SPNS3: variants seen among roughly 807,000 people sequenced by gnomAD.
SPNS3 encodes SPNS lysolipid transporter 3, sphingosine-1-phosphate (putative), also known as protein spinster homolog 3.
In SPNS3, 51 loss-of-function variants were observed where a neutral mutation model predicts 54.4. The ratio of observed to expected loss-of-function variants is 0.94; its 90% CI spans 0.75 to 1.18. The LOEUF (loss-of-function observed/expected upper bound fraction) is 1.18. Ranked by LOEUF, SPNS3 falls within the 50% of genes most tolerant of loss-of-function variation. The probability of loss-of-function intolerance (pLI) is 0.00; values close to 1 mark genes in which losing one functional copy is unlikely to be tolerated. For missense variants in SPNS3, 669 were observed against 677.4 expected (o/e 0.99, Z 0.14); for synonymous variants, 309 against 294.7 (o/e 1.05, Z -0.50).
intron 2 of SPNS3, among the ~76,000 whole-genome samples, chr17:4,443,175 A>C (rs940401708): frequency 3.3e-5 from 5 of 152,042 alleles, no homozygotes; most frequent in Non-Finnish European, 7.4e-5. Flanking sequence ...GGTTCAAGCA[A>C]TTCTTCTCCC....
At chr17:4,459,099 G>C (rs955379301) in intron 8 of SPNS3, among the ~76,000 whole-genome samples, 4 of 152,028 alleles carry the variant, frequency 2.6e-5, no homozygotes, top group African/African-American at 9.7e-5. Flanking sequence ...GCTTACCACC[G>C]TCTCTCCATG....
chr17:4,486,725 G>A lies in SPNS3; in HGVS notation c.1450+142G>A. ...TACACCCCTGCTATGTACCAGGGAA[G>A]GTTGCAGATGCTGGGGAGTGAAAGA... On this transcript the variant is annotated intron_variant, in intron 11 of 11. Coordinates refer to ENST00000355530, the MANE Select transcript of SPNS3 (RefSeq NM_182538.5). The surrounding 1 kb of genome is among the most constrained non-coding windows in gnomAD (Gnocchi z 5.5). 1 of 902,770 alleles carries A rather than the reference G, an allele frequency of 1.1e-6. No individual in the cohort carries two copies. The highest frequency in any genetic ancestry group is 1.7e-5 in the African/African-American group (1 of 59,516). The allele number at this position is 902,770 out of a possible 1,614,324, so 55.9% of individuals were successfully genotyped here.
intron 9 of SPNS3, among the ~76,000 whole-genome samples, chr17:4,481,329 C>G (rs569660111): frequency 6.6e-6 from 1 of 152,002 alleles, no homozygotes; most frequent in South Asian, 2.1e-4. Flanking sequence ...GGGACAGGGT[C>G]TGTGGCAGGA....
chr17:4,484,656 C>T (rs1022783286), intron 9 of SPNS3, among the ~76,000 whole-genome samples: 10 of 152,082 alleles, frequency 6.6e-5, no homozygotes, highest in African/African-American at 2.4e-4. Context: ...ATCATGGACA[C>T]CTAGGTCTTG....
intron 8 of SPNS3, among the ~76,000 whole-genome samples, chr17:4,470,917 AGTCT>A (rs1411641467): frequency 9.2e-5 from 14 of 151,892 alleles, no homozygotes; most frequent in Non-Finnish European, 2.1e-4. Context: ...GAGCATTCAC[AGTCT>A]GTTCTTTTTC....
At chr17:4,441,358 C>T (rs1970841824) in intron 2 of SPNS3, among the ~76,000 whole-genome samples, 1 of 151,524 alleles carries the variant, frequency 6.6e-6, no homozygotes, top group African/African-American at 2.4e-5. Context: ...CCCTATTCTC[C>T]ACAGAAAGGA....
chr17:4,478,286 T>A (rs1209919005), intron 8 of SPNS3, among the ~76,000 whole-genome samples: 1 of 152,094 alleles, frequency 6.6e-6, no homozygotes, highest in Non-Finnish European at 1.5e-5. Flanking sequence ...GTCTGTTTTC[T>A]TACCTTTAAA....
At chr17:4,439,061 G>A (rs79975883) in intron 1 of SPNS3, among the ~76,000 whole-genome samples, 3,033 of 152,102 alleles carry the variant, frequency 0.02, 104 homozygotes, top group African/African-American at 0.07. Context: ...GTGTGGCTGC[G>A]TGCTTATGTG....
In SPNS3 at chr17:4,448,906, G is replaced by C. The variant is rs528237001; in HGVS notation, c.771-329G>C. Among the ~76,000 whole-genome samples, 91 of 152,276 alleles carry C rather than the reference G, an allele frequency of 6.0e-4. 1 individual carries two copies. Among genetic ancestry groups the C allele is most frequent in the African/African-American group, 1.9e-3 (78 of 41,556 alleles). On this transcript the variant is annotated intron_variant, in intron 6 of 11. Transcript: ENST00000355530. The stretch of plus-strand genomic sequence containing the variant: ...TGTGATGCTGGATGGGGGCCTCCCA[G>C]GATGGGGAGATTTGGTCCTGCAGAG...
Position 4,488,133 on chromosome 17 carries a change from T to TCCCCAGC in SPNS3, c.*240_*241insCCCAGCC. ...CGCTCAAGGCTGCCCCAGCCTGGGGTCTCCAGCCTGGCTGCTGCTGGGCCC... is the reference window on the plus strand; with the variant it reads ...CGCTCAAGGCTGCCCCAGCCTGGGGTCCCCAGCCTCCAGCCTGGCTGCTGCTGGGCCC... On this transcript the variant is annotated 3_prime_UTR_variant, in exon 12 of 12. Transcript: ENST00000355530. 1.8e-6 allele frequency: 1 copy of TCCCCAGC among 560,636 alleles called. No individual in the cohort carries two copies. The highest frequency in any genetic ancestry group is 3.2e-5 in the Admixed American group (1 of 31,248). 34.7% of individuals were successfully genotyped at this position (560,636 alleles called of 1,614,324 possible). A position where few individuals can be genotyped will look rare whatever the true frequency, so the allele number is the denominator to read the frequency against.
intron 6 of SPNS3, 39 bp downstream of exon 6, chr17:4,448,342 C>A (rs533485889): frequency 1.4e-6 from 2 of 1,476,106 alleles, no homozygotes; most frequent in African/African-American, 2.9e-5. Flanking sequence ...CACAGAAAAG[C>A]CCGTTTGTCT....
chr17:4,457,021 G>GT (rs1051516181), intron 8 of SPNS3, among the ~76,000 whole-genome samples: 2 of 152,160 alleles, frequency 1.3e-5, no homozygotes, highest in Non-Finnish European at 2.9e-5. Flanking sequence ...AGCCTGGAAG[G>GT]TTTTTTCTTA....
chr17:4,481,392 C>T (rs59541672), intron 9 of SPNS3, among the ~76,000 whole-genome samples: 10 of 152,092 alleles, frequency 6.6e-5, no homozygotes, highest in African/African-American at 2.2e-4. Flanking sequence ...GACAGGAGAT[C>T]GGCTTCTCTT....
chr17:4,457,265 G>GT (rs1971339554), intron 8 of SPNS3, among the ~76,000 whole-genome samples: 1 of 152,190 alleles, frequency 6.6e-6, no homozygotes, highest in South Asian at 2.1e-4. Context: ...GGTGGCACAT[G>GT]CCTGTAGTCC....
chr17:4,450,351 C>T (rs797008166), intron 7 of SPNS3, among the ~76,000 whole-genome samples: 97 of 40,530 alleles, frequency 2.4e-3, no homozygotes, highest in African/African-American at 0.01. Context: ...CTCCCTCTCC[C>T]CTCCTCTCTC....
Position 4,446,944 on chromosome 17 carries a change from C to G in SPNS3, c.603C>G (p.Asn201Lys), listed in dbSNP as rs1971010476. The change falls in exon 5 of 12, where the codon AAC becomes AAG. Residue 201 changes from asparagine to lysine, a missense_variant. By Grantham distance (94) the Asn-to-Lys change is moderately conservative (BLOSUM62 0). Coordinates refer to ENST00000355530, the MANE Select transcript of SPNS3 (RefSeq NM_182538.5). ...CGGCTGTGACGATGCTGACTGGGAA[C>G]TGGCGCTGGGCCCTCCGAGTGAGTC... ...LGSAVTMLTG[N>K]WRWALRVMPC... 1.9e-6 allele frequency: 3 copies of G among 1,614,144 alleles called. No individual in the cohort carries two copies. The highest frequency in any genetic ancestry group is 2.5e-6 in the Non-Finnish European group (3 of 1,180,010).
intron 8 of SPNS3, among the ~76,000 whole-genome samples, chr17:4,455,428 G>A (rs956239438): frequency 6.6e-6 from 1 of 152,192 alleles, no homozygotes; most frequent in Non-Finnish European, 1.5e-5. Flanking sequence ...GCTGACTGTC[G>A]GTGCCCCACA....
intron 7 of SPNS3, 125 bp from the exon 8 acceptor site, chr17:4,452,891 T>C (rs957545534): frequency 3.4e-6 from 3 of 893,844 alleles, no homozygotes; most frequent in African/African-American, 1.7e-5. Context: ...CCCACAGCCA[T>C]ATTCCCTGTA....
chr17:4,465,929 C>T (rs77109391), intron 8 of SPNS3, among the ~76,000 whole-genome samples: 47 of 152,298 alleles, frequency 3.1e-4, no homozygotes, highest in Non-Finnish European at 5.7e-4. Flanking sequence ...AGTGGCGAAG[C>T]CTACCAGGGT....
Sources: gnomAD v4.1 joint callset for allele counts (sites outside exome capture counted in the v4.1 genomes callset) on GRCh38, gnomAD v4.1.1 for gene constraint, Gnocchi (gnomAD v3.1) non-coding constraint, MANE v1.5 for transcripts, NCBI Gene and HGNC (gene_info 2026-07-23, HGNC 2026-07-21) for gene names.